The following ZC3H6 variants were observed in gnomAD, a reference collection of about 807,000 sequenced individuals.
ZC3H6 encodes zinc finger CCCH domain-containing protein 6.
A neutral mutation model predicts 107.7 loss-of-function variants in ZC3H6; 40 were observed. The ratio of observed to expected loss-of-function variants is 0.37; its 90% CI spans 0.29 to 0.48. The LOEUF (loss-of-function observed/expected upper bound fraction) is 0.48, where lower values mean the gene tolerates loss of function less well. Among genes scored for constraint, ZC3H6 ranks in the 20% least tolerant of loss-of-function variants. The pLI is 0.98. For synonymous variants in ZC3H6, 493 were observed against 487.9 expected (o/e 1.01, Z -0.14); for missense variants, 1,267 against 1,410.4 (o/e 0.90, Z 1.63).
intron 3 of ZC3H6, among the ~76,000 whole-genome samples, chr2:112,306,066 T>C (rs1299387532): frequency 6.6e-6 from 1 of 152,206 alleles, no homozygotes. Context: ...TTTAAAATCT[T>C]CTAAGTCATT....
intron 3 of ZC3H6, among the ~76,000 whole-genome samples, chr2:112,309,004 ATCAT>A (rs1676544155): frequency 6.6e-6 from 1 of 152,040 alleles, no homozygotes; most frequent in Non-Finnish European, 1.5e-5. Context: ...GTGAGCCAAG[ATCAT>A]GCCACTGCAC....
intron 6 of ZC3H6, 141 bp downstream of exon 6, chr2:112,316,727 A>AAT (rs1203108681): frequency 3.4e-6 from 2 of 588,938 alleles, no homozygotes; most frequent in Non-Finnish European, 6.1e-6. Flanking sequence ...CTTGCATGGA[A>AAT]ATACCGTACA....
chr2:112,317,198 CTTTTTTT>C lies in ZC3H6; in HGVS notation c.865-15_865-9del. 8 of 1,027,106 alleles carry C rather than the reference CTTTTTTT, an allele frequency of 7.8e-6. No individual in the cohort carries two copies. Among genetic ancestry groups the C allele is most frequent in the Non-Finnish European group, 1.0e-5 (8 of 765,198 alleles). 63.6% of individuals were successfully genotyped at this position (1,027,106 alleles called of 1,614,324 possible). A position where few individuals can be genotyped will look rare whatever the true frequency, so the allele number is the denominator to read the frequency against. On this transcript the variant is annotated splice_polypyrimidine_tract_variant and intron_variant, in intron 6 of 11. Transcript: ENST00000409871. ...TGTTTCTTACCTTTTTTTCTTTTTT[CTTTTTTT>C]TTTTTTTGTGAATAGGGAGATCAGT...
chr2:112,297,318 G>C (rs1015341845), intron 1 of ZC3H6, among the ~76,000 whole-genome samples: 1 of 152,166 alleles, frequency 6.6e-6, no homozygotes, highest in Admixed American at 6.5e-5. Context: ...AGAGTGACAT[G>C]ATCAGTTTTG....
chr2:112,321,832 T>C lies in ZC3H6; in HGVS notation c.1053T>C (p.Asp351=). The C allele has an allele frequency of 6.5e-7, 1 of 1,536,160 alleles. No homozygotes were observed. The highest frequency in any genetic ancestry group is 2.4e-5 in the East Asian group (1 of 42,180). The change falls in exon 8 of 12, where the codon GAT becomes GAC. Residue 351 remains aspartate (D), a synonymous_variant. Transcript: ENST00000409871. The part of the protein sequence containing the change: ...QGDNCKFSHD[D]LTKETKKLLD... ...ACAACTGTAAATTTTCCCATGATGATCTAACTAAAGAAACAAAGAAACTTT... is the reference window on the plus strand; with the variant it reads ...ACAACTGTAAATTTTCCCATGATGACCTAACTAAAGAAACAAAGAAACTTT...
chr2:112,318,588 C>A (rs1333900258), intron 7 of ZC3H6, among the ~76,000 whole-genome samples: 1 of 152,130 alleles, frequency 6.6e-6, no homozygotes, highest in Non-Finnish European at 1.5e-5. Context: ...ACATTTGCAG[C>A]TGTGTCACGT....
chr2:112,303,416 T>C, intron 3 of ZC3H6, 65 bp downstream of exon 3: 1 of 1,232,126 alleles, frequency 8.1e-7, no homozygotes, highest in Non-Finnish European at 1.2e-6. Flanking sequence ...TTTAACCCTT[T>C]TAACTGTACA....
chr2:112,317,245 G>A lies in ZC3H6; in HGVS notation c.889G>A (p.Asp297Asn). ...IKGDQCKFDH[D>N]AELEKRKEIC... ...GGGAGATCAGTGTAAATTTGATCAT[G>A]ATGCAGAGTTGGAGAAAAGAAAAGA... The change falls in exon 7 of 12, where the codon GAT (aspartate) becomes AAT (asparagine). Residue 297 changes from aspartate (D) to asparagine (N), a missense_variant. Asp to Asn is a conservative substitution (Grantham distance 23). Coordinates refer to ENST00000409871, the MANE Select transcript of ZC3H6 (RefSeq NM_198581.3). 4.0e-6 allele frequency: 6 copies of A among 1,517,564 alleles called. No homozygotes were observed. The highest frequency in any genetic ancestry group is 5.3e-6 in the Non-Finnish European group (6 of 1,136,986). 94.0% of individuals were successfully genotyped at this position (1,517,564 alleles called of 1,614,324 possible).
rs1161899103 is a variant in ZC3H6, at chr2:112,276,829, A to G, written c.32+803A>G. ...ATAATTCAAATTTTCATTCGTATAT[A>G]TCTTTAATAATGCGAAAGGGGGGCT... is the stretch of plus-strand genomic sequence containing the variant. On this transcript the variant is annotated intron_variant, in intron 1 of 11. Transcript: ENST00000409871. 7.2e-5 allele frequency among the ~76,000 whole-genome samples: 11 copies of G among 152,358 alleles called. No homozygotes were observed. The East Asian group carries it at 2.1e-3, about 29-fold the overall frequency.
chr2:112,296,546 T>C (rs1244886657), intron 1 of ZC3H6, among the ~76,000 whole-genome samples: 1 of 152,212 alleles, frequency 6.6e-6, no homozygotes, highest in Non-Finnish European at 1.5e-5. Flanking sequence ...TTGTAAGGTT[T>C]TGTAGTTTAT....
chr2:112,294,597 C>G (rs2104701936), intron 1 of ZC3H6, among the ~76,000 whole-genome samples: 1 of 152,176 alleles, frequency 6.6e-6, no homozygotes, highest in Non-Finnish European at 1.5e-5. Flanking sequence ...CCAGAAGACT[C>G]AGTTTCTGAT....
intron 1 of ZC3H6, among the ~76,000 whole-genome samples, chr2:112,296,065 A>G (rs1649124083): frequency 1.3e-5 from 2 of 152,304 alleles, no homozygotes; most frequent in South Asian, 2.1e-4. Flanking sequence ...TGTAGATAGC[A>G]AAGTACACAA....
At chr2:112,280,799 G>C (rs1229946696) in intron 1 of ZC3H6, among the ~76,000 whole-genome samples, 3 of 152,190 alleles carry the variant, frequency 2.0e-5, no homozygotes, top group African/African-American at 7.2e-5. Context: ...TATGTGGAGA[G>C]TGTACAACTA....
intron 7 of ZC3H6, 128 bp downstream of exon 7, chr2:112,317,460 T>C: frequency 1.9e-6 from 1 of 522,926 alleles, no homozygotes; most frequent in Non-Finnish European, 3.3e-6. Flanking sequence ...ACACATTACA[T>C]AAACCCAGTC....
rs748767852 is a variant in ZC3H6, at chr2:112,310,017, G to T, written c.469G>T (p.Gly157Cys). 1.9e-5 allele frequency: 30 copies of T among 1,613,454 alleles called. No homozygotes were observed. In the Admixed American group the frequency reaches 2.0e-4, roughly 11 times the overall value. Residue 157 changes from glycine to cysteine, a missense_variant, in exon 4 of 12, where the codon GGT becomes TGT. Transcript: ENST00000409871. ...NFGNYSDDNFGNYGQETEEDF... is the reference protein window; with the variant it reads ...NFGNYSDDNFCNYGQETEEDF... ...CGGTAACTACAGTGATGACAACTTTGGTAACTACGGTCAGGAAACAGAGGA... is the reference window on the plus strand; with the variant it reads ...CGGTAACTACAGTGATGACAACTTTTGTAACTACGGTCAGGAAACAGAGGA...
At chr2:112,323,391 G>A (rs1558956157) in intron 9 of ZC3H6, among the ~76,000 whole-genome samples, 2 of 152,144 alleles carry the variant, frequency 1.3e-5, no homozygotes, top group Non-Finnish European at 2.9e-5. Flanking sequence ...TTGAGCATTC[G>A]TTTAGTCCTG....
At position 112,333,880 on chromosome 2, in the gene ZC3H6, A is replaced by G. The variant is rs1677085003; in HGVS notation, c.*1392A>G. On this transcript the variant is annotated 3_prime_UTR_variant, in exon 12 of 12. Coordinates refer to ENST00000409871, the MANE Select transcript of ZC3H6 (RefSeq NM_198581.3). ...AGAAGGGATTTTTTTTTAAATATAC[A>G]GTAAAATATTTCGTGGGAACCTAAC... 1.3e-5 allele frequency: 2 copies of G among 152,118 alleles called. No individual in the cohort carries two copies. Among genetic ancestry groups the G allele is most frequent in the Non-Finnish European group, 2.9e-5 (2 of 67,972 alleles). 9.4% of individuals were successfully genotyped at this position (152,118 alleles called of 1,614,324 possible). A position where few individuals can be genotyped will look rare whatever the true frequency, so the allele number is the denominator to read the frequency against.
intron 11 of ZC3H6, among the ~76,000 whole-genome samples, chr2:112,329,388 G>A (rs1676977588): frequency 6.6e-6 from 1 of 152,188 alleles, no homozygotes. Flanking sequence ...ACTATGAGGA[G>A]TGAAATTACT....
chr2:112,321,555 G>A (rs1031271446), intron 7 of ZC3H6, among the ~76,000 whole-genome samples: 24 of 152,076 alleles, frequency 1.6e-4, no homozygotes, highest in African/African-American at 5.1e-4. Context: ...TTGTGTGTGT[G>A]TGTGTGTTAA....
Sources: gnomAD v4.1 joint callset for allele counts (sites outside exome capture counted in the v4.1 genomes callset) on GRCh38, gnomAD v4.1.1 for gene constraint, MANE v1.5 for transcripts, NCBI Gene and HGNC (gene_info 2026-07-23, HGNC 2026-07-21) for gene names.